DTNB: variants seen among roughly 807,000 people sequenced by gnomAD.
DTNB encodes the protein DTN-B.
In DTNB, 63 loss-of-function variants were observed where a neutral mutation model predicts 90.7. That is an observed-to-expected ratio of 0.69 (90% CI 0.57 to 0.86). The LOEUF (loss-of-function observed/expected upper bound fraction) is 0.86. Among genes scored for constraint, DTNB ranks in the 40% least tolerant of loss-of-function variants. The probability of loss-of-function intolerance (pLI) is 0.00; values close to 1 mark genes in which losing one functional copy is unlikely to be tolerated. For missense variants in DTNB, 744 were observed against 807.1 expected (o/e 0.92, Z 0.95); for synonymous variants, 277 against 286.7 (o/e 0.97, Z 0.34).
At chr2:25,443,900 C>T (rs1193693258) in intron 12 of DTNB, among the ~76,000 whole-genome samples, 1 of 152,106 alleles carries the variant, frequency 6.6e-6, no homozygotes, top group Non-Finnish European at 1.5e-5. Flanking sequence ...AGGAGACTGT[C>T]GATCTTTAAT....
At chr2:25,664,927 C>T (rs1026760021) in intron 1 of DTNB, among the ~76,000 whole-genome samples, 4 of 152,206 alleles carry the variant, frequency 2.6e-5, no homozygotes, top group African/African-American at 9.7e-5. Context: ...GGAAAGAACA[C>T]AGGTCCCAAA....
At chr2:25,643,837 A>C (rs1200473674) in intron 2 of DTNB, among the ~76,000 whole-genome samples, 1 of 152,216 alleles carries the variant, frequency 6.6e-6, no homozygotes, top group Non-Finnish European at 1.5e-5. Flanking sequence ...CTGCATTCCT[A>C]GACAGTTAAG....
At chr2:25,597,375 A>C (rs2064868456) in intron 5 of DTNB, among the ~76,000 whole-genome samples, 3 of 152,100 alleles carry the variant, frequency 2.0e-5, no homozygotes. Context: ...TATTCTATAT[A>C]TTCACAGTGA....
chr2:25,391,663 A>G (rs1376891894), intron 16 of DTNB, among the ~76,000 whole-genome samples: 4 of 152,330 alleles, frequency 2.6e-5, no homozygotes, highest in East Asian at 3.9e-4. Flanking sequence ...AAATGGCCAT[A>G]GGATAGGCCA....
chr2:25,662,681 A>ACACAAACACACAC (rs35419647), intron 1 of DTNB, among the ~76,000 whole-genome samples: 7 of 104,462 alleles, frequency 6.7e-5, no homozygotes, highest in Non-Finnish European at 1.0e-4. Flanking sequence ...CACACACACA[A>ACACAAACACACAC]ACACACACAC....
At chr2:25,643,951 C>T (rs1573943649) in intron 2 of DTNB, among the ~76,000 whole-genome samples, 1 of 152,260 alleles carries the variant, frequency 6.6e-6, no homozygotes, top group South Asian at 2.1e-4. Flanking sequence ...TAAAACCCAC[C>T]AAAACCAAGA....
At chr2:25,446,801 T>G (rs142633320) in intron 12 of DTNB, among the ~76,000 whole-genome samples, 1 of 152,356 alleles carries the variant, frequency 6.6e-6, no homozygotes, top group East Asian at 1.9e-4. Flanking sequence ...TTTGGAAACT[T>G]AGCCATTAAT....
chr2:25,549,548 C>T (rs998541031), intron 8 of DTNB, among the ~76,000 whole-genome samples: 1 of 152,112 alleles, frequency 6.6e-6, no homozygotes, highest in East Asian at 1.9e-4. Flanking sequence ...CCATAAAATT[C>T]CTTGTTGCTA....
intron 4 of DTNB, among the ~76,000 whole-genome samples, chr2:25,613,081 C>CT (rs998506386): frequency 2.6e-5 from 4 of 152,092 alleles, no homozygotes; most frequent in African/African-American, 7.2e-5. Context: ...CAGTATTATT[C>CT]TTTTTTTAAT....
chr2:25,660,230 A>G (rs766792988), intron 1 of DTNB, among the ~76,000 whole-genome samples: 1 of 152,232 alleles, frequency 6.6e-6, no homozygotes, highest in Non-Finnish European at 1.5e-5. Flanking sequence ...CATACAATGG[A>G]ATATTGTTCA....
At chr2:25,473,992 G>A (rs1467129080) in intron 10 of DTNB, among the ~76,000 whole-genome samples, 6 of 152,192 alleles carry the variant, frequency 3.9e-5, no homozygotes, top group Non-Finnish European at 7.3e-5. Context: ...TCAGTCCAAC[G>A]CGAAGAAGAA....
At position 25,526,395 on chromosome 2, in the gene DTNB, A is replaced by ATTTTT. The variant is rs1245672956; in HGVS notation, c.1001+5073_1001+5077dup. Among the ~76,000 whole-genome samples, 121 of 49,816 alleles carry ATTTTT rather than the reference A, an allele frequency of 2.4e-3. 2 individuals are homozygous for ATTTTT. The highest frequency in any genetic ancestry group is 8.2e-3 in the African/African-American group (84 of 10,248). 32.7% of individuals were successfully genotyped at this position (49,816 alleles called of 152,430 possible). A position where few individuals can be genotyped will look rare whatever the true frequency, so the allele number is the denominator to read the frequency against. On this transcript the variant is annotated intron_variant, in intron 9 of 20. Coordinates refer to ENST00000406818, the MANE Select transcript of DTNB (RefSeq NM_021907.5). ...TATATATATATATATATATATATAT[A>ATTTTT]TTTTTTTTTTTTTAATTGAGACAGA...
intron 1 of DTNB, among the ~76,000 whole-genome samples, chr2:25,653,474 G>GCTTTCTTTCTTTCTTTCTTT (rs1359482034): frequency 1.8e-5 from 2 of 112,230 alleles, no homozygotes; most frequent in African/African-American, 6.9e-5. Context: ...ACTGTTCAGA[G>GCTTTCTTTCTTTCTTTCTTT]CTTGCTTTCT....
intron 8 of DTNB, among the ~76,000 whole-genome samples, chr2:25,565,633 A>G (rs1041162903): frequency 1.1e-4 from 17 of 151,776 alleles, no homozygotes; most frequent in African/African-American, 4.1e-4. Context: ...ATCGTGACAG[A>G]ATTTTGGGTT....
intron 19 of DTNB, among the ~76,000 whole-genome samples, chr2:25,382,394 T>G (rs2038061701): frequency 1.3e-5 from 2 of 152,068 alleles, no homozygotes; most frequent in Non-Finnish European, 2.9e-5. Context: ...AACACATTAA[T>G]GCACAACAGA....
intron 16 of DTNB, among the ~76,000 whole-genome samples, chr2:25,396,819 A>C (rs944054450): frequency 6.6e-6 from 1 of 150,862 alleles, no homozygotes; most frequent in Admixed American, 6.6e-5. Context: ...TTTTCCTAAC[A>C]TTAAAACCTC....
At chr2:25,482,758 A>G in intron 10 of DTNB, 38 bp downstream of exon 10, 8 of 1,603,768 alleles carry the variant, frequency 5.0e-6, no homozygotes, top group Non-Finnish European at 6.8e-6. Context: ...TCAGTAGCAG[A>G]GGCCAACACC....
chr2:25,515,933 T>G (rs2075029766), intron 9 of DTNB, among the ~76,000 whole-genome samples: 1 of 152,158 alleles, frequency 6.6e-6, no homozygotes, highest in African/African-American at 2.4e-5. Context: ...GTACAGAAAC[T>G]CTGTCCTATT....
At chr2:25,615,184 C>T (rs530718888) in intron 4 of DTNB, among the ~76,000 whole-genome samples, 1 of 152,132 alleles carries the variant, frequency 6.6e-6, no homozygotes, top group Non-Finnish European at 1.5e-5. Context: ...GGAGGAGATG[C>T]ATAGGGTGTG....
Sources: allele counts gnomAD v4.1 joint callset (sites outside exome capture counted in the v4.1 genomes callset), GRCh38; gene constraint gnomAD v4.1.1; transcripts MANE v1.5; gene names NCBI Gene and HGNC (gene_info 2026-07-23, HGNC 2026-07-21).